The following MICALL2 variants were observed in gnomAD, a reference collection of about 807,000 sequenced individuals.
MICALL2 encodes MICAL-like protein 2.
Under a neutral mutation model 91.1 loss-of-function variants are expected in MICALL2, and 111 were observed. The ratio of observed to expected loss-of-function variants is 1.22; its 90% CI spans 1.04 to 1.43. MICALL2 has a LOEUF of 1.43. MICALL2 is among the 40% of genes most tolerant of loss of function. The pLI, the probability that MICALL2 is intolerant of heterozygous loss-of-function variation, is 0.00. For missense variants in MICALL2, 1,556 were observed against 1,236.0 expected, an observed-to-expected ratio of 1.26 and a Z score of -3.88; for synonymous variants, 694 against 525.3, an observed-to-expected ratio of 1.32 and a Z score of -4.39.
chr7:1,441,893 T>A, intron 7 of MICALL2: 1 of 438,960 alleles, frequency 2.3e-6, no homozygotes, highest in South Asian at 2.9e-5. Flanking sequence ...AGGATGTAAC[T>A]GCCAGACCGA....
rs1404502910 is a variant in MICALL2, at chr7:1,445,139, C to T, written c.931G>A (p.Ala311Thr). 9 of 1,566,120 alleles carry T rather than the reference C, an allele frequency of 5.7e-6. No homozygotes were observed. The highest frequency in any genetic ancestry group is 1.9e-5 in the Admixed American group (1 of 53,080). Residue 311 changes from alanine to threonine, a missense_variant, in exon 6 of 17, where the codon GCC becomes ACC. Transcript: ENST00000297508. ...GGGCTCCTCACGTGGACGGACGTGG[C>T]GCTGGTGGCTGCAGGGTTGGGTGCA... ...PAAPNPAATS[A>T]TSVHVRSPAR...
chr7:1,439,887 AG>A, intron 9 of MICALL2, 37 bp downstream of exon 9: 3 of 1,392,164 alleles, frequency 2.2e-6, no homozygotes, highest in Non-Finnish European at 2.8e-6. Flanking sequence ...AGGGCCAGCT[AG>A]GCAACCCGGG....
rs762449536 is a variant in MICALL2, at chr7:1,445,293, C to G, written c.777G>C (p.Gln259His). 5 of 1,612,080 alleles carry G rather than the reference C, an allele frequency of 3.1e-6. No homozygotes were observed. The East Asian group carries it at 1.1e-4, about 36-fold the overall frequency. Residue 259 changes from glutamine to histidine, a missense_variant, in exon 6 of 17, where the codon CAG (glutamine) becomes CAC (histidine). By Grantham distance (24) the Gln-to-His change is conservative. Transcript: ENST00000297508. Reference sequence around the variant, plus strand: ...TGGAATCCACACCCATGGCCCCTGGCTGTCGGGGGACCAGACCCGTCAACT... The same window carrying G: ...TGGAATCCACACCCATGGCCCCTGGGTGTCGGGGGACCAGACCCGTCAACT... ...SPKLTGLVPR[Q>H]PGAMGVDSRT... is the part of the protein sequence containing the mutation.
Position 1,437,556 on chromosome 7 carries a change from G to A in MICALL2, c.2455C>T (p.Arg819Cys), listed in dbSNP as rs756202920. ...GCACCGGGCTTGGCCATGAGCCGGC[G>A]CAGCTCGCCCTCGATGTCCAGCTGC... The part of the protein sequence containing the change: ...EQQLDIEGEL[R>C]RLMAKPEALK... The change falls in exon 14 of 17, where the codon CGC (arginine) becomes TGC (cysteine). Residue 819 changes from arginine (R) to cysteine (C), a missense_variant. Arg to Cys is a radical substitution (Grantham distance 180). Coordinates refer to ENST00000297508, the MANE Select transcript of MICALL2 (RefSeq NM_182924.4). The A allele has an allele frequency of 2.0e-6, 3 of 1,531,634 alleles. No homozygotes were observed. The highest frequency in any genetic ancestry group is 1.4e-5 in the African/African-American group (1 of 72,352). 94.9% of individuals were successfully genotyped at this position (1,531,634 alleles called of 1,614,324 possible).
At chr7:1,439,287 A>G (rs936888016) in intron 9 of MICALL2, 1 of 425,572 alleles carries the variant, frequency 2.3e-6, no homozygotes, top group African/African-American at 2.0e-5. Context: ...GAATACACAC[A>G]GAGATGTGTG....
In MICALL2 at chr7:1,440,040, C is replaced by A. The variant is rs181284121; in HGVS notation, c.1851G>T (p.Ala617=). ...KEPRALAEPR[A]GEAPRKVSGS... is the part of the protein sequence containing the mutation. ...CTGAGACCTTCCTGGGGGCCTCCCC[C>A]GCCCTCGGCTCTGCCAGGGCCCGTG... The change falls in exon 9 of 17, where the codon GCG becomes GCT. Residue 617 remains alanine, a synonymous_variant. Coordinates refer to ENST00000297508, the MANE Select transcript of MICALL2 (RefSeq NM_182924.4). The A allele has an allele frequency of 3.8e-6, 6 of 1,583,008 alleles. No individual in the cohort carries two copies. The Middle Eastern group carries it at 5.0e-4, about 133-fold the overall frequency.
At chr7:1,446,969 G>A in intron 4 of MICALL2, 141 bp from the exon 5 acceptor site, 1 of 638,278 alleles carries the variant, frequency 1.6e-6, no homozygotes, top group Admixed American at 2.9e-5. Flanking sequence ...CTGCGGTCGG[G>A]GTCACACCCA....
At chr7:1,441,982 G>T in intron 7 of MICALL2, 1 of 632,436 alleles carries the variant, frequency 1.6e-6, no homozygotes, top group Non-Finnish European at 2.7e-6. Flanking sequence ...CCGGCAAACA[G>T]CATAGCCCTG....
chr7:1,447,110 C>A (rs1274915228), intron 4 of MICALL2, among the ~76,000 whole-genome samples: 3 of 152,122 alleles, frequency 2.0e-5, no homozygotes, highest in African/African-American at 7.2e-5. Flanking sequence ...CCATTAGGGG[C>A]ATGGATCCCA....
At chr7:1,439,131 T>A in intron 9 of MICALL2, 136 bp from the exon 10 acceptor site, 1 of 713,198 alleles carries the variant, frequency 1.4e-6, no homozygotes, top group East Asian at 2.8e-5. Flanking sequence ...TGGCACAGGG[T>A]TGGCATCACA....
rs112396048 is a variant in MICALL2 at position 1,434,569 on chromosome 7, G to C, written c.*27C>G. On this transcript the variant is annotated 3_prime_UTR_variant, in exon 17 of 17. Transcript: ENST00000297508. ...GAGTCCAAGTCCGGATGCCAGGTCC[G>C]GGCCGAGCCCACGGCCCTACTGGCT... is the stretch of plus-strand genomic sequence containing the variant. The C allele has an allele frequency of 2.5e-6, 4 of 1,591,702 alleles. No individual in the cohort carries two copies. In the African/African-American group the frequency reaches 4.0e-5, roughly 16 times the overall value.
At chr7:1,455,482 C>T (rs1780982237) in intron 1 of MICALL2, among the ~76,000 whole-genome samples, 1 of 152,248 alleles carries the variant, frequency 6.6e-6, no homozygotes, top group African/African-American at 2.4e-5. Context: ...CACCCTGCCA[C>T]CTCCTGGTGG....
intron 7 of MICALL2, chr7:1,441,901 C>G (rs923401180): frequency 2.2e-6 from 1 of 451,462 alleles, no homozygotes; most frequent in East Asian, 4.2e-5. Context: ...ACTGCCAGAC[C>G]GAGCTGAGCG....
In MICALL2 at chr7:1,445,433, G is replaced by T; in HGVS notation, c.642-5C>A. The T allele has an allele frequency of 1.3e-6, 2 of 1,524,876 alleles. No individual in the cohort carries two copies. Among genetic ancestry groups the T allele is most frequent in the South Asian group, 1.2e-5 (1 of 83,090 alleles). 94.5% of individuals were successfully genotyped at this position (1,524,876 alleles called of 1,614,324 possible). ...GTGCAGGAGCACTGCTTACACCTGGGGGAGGAAAGGCACAGGAGCCCCAGC... is the reference window on the plus strand; with the variant it reads ...GTGCAGGAGCACTGCTTACACCTGGTGGAGGAAAGGCACAGGAGCCCCAGC... On this transcript the variant is annotated splice_polypyrimidine_tract_variant and splice_region_variant and intron_variant, in intron 5 of 16. Coordinates refer to ENST00000297508, the MANE Select transcript of MICALL2 (RefSeq NM_182924.4).
rs1431053228 is a variant in MICALL2 at position 1,459,134 on chromosome 7, A to G, written c.143+50T>C. ...GGGCCTCAGTTTCCCCGCCCGTGTC[A>G]GCGCGCAGCCGAACAGCAGAAGAAT... is the stretch of plus-strand genomic sequence containing the variant. On this transcript the variant is annotated intron_variant, in intron 1 of 16. Transcript: ENST00000297508. 7.8e-6 allele frequency: 12 copies of G among 1,534,576 alleles called. No individual in the cohort carries two copies. The South Asian group carries it at 9.4e-5, about 12-fold the overall frequency.
At chr7:1,442,026 C>T in intron 7 of MICALL2, 166 bp downstream of exon 7, 1 of 800,346 alleles carries the variant, frequency 1.2e-6, no homozygotes, top group African/African-American at 1.7e-5. Context: ...GAGAGCGCAC[C>T]AGGACCCCAG....
intron 1 of MICALL2, among the ~76,000 whole-genome samples, chr7:1,450,760 A>G (rs1289280926): frequency 2.0e-5 from 3 of 152,198 alleles, no homozygotes; most frequent in Non-Finnish European, 2.9e-5. Flanking sequence ...CCATATGCAG[A>G]GAGGGCCAGC....
chr7:1,452,544 C>T lies in MICALL2; in HGVS notation c.144-2256G>A, dbSNP rs1397746584. Among the ~76,000 whole-genome samples, 1 of 152,192 alleles carries T rather than the reference C, an allele frequency of 6.6e-6. No homozygotes were observed. The highest frequency in any genetic ancestry group is 1.5e-5 in the Non-Finnish European group (1 of 68,026). On this transcript the variant is annotated intron_variant, in intron 1 of 16. Transcript: ENST00000297508. The surrounding 1 kb of genome is among the most constrained non-coding windows in gnomAD (Gnocchi z 6.2). Reference sequence around the variant, plus strand: ...GCCCGGACGGCCGGGAGGGCAGTGTCACAAGTCTGTTTTTTCTCTAAACAA... The same window carrying T: ...GCCCGGACGGCCGGGAGGGCAGTGTTACAAGTCTGTTTTTTCTCTAAACAA...
At chr7:1,434,985 G>GCCCCCCCCCCCCCCCCCCC in intron 16 of MICALL2, 116 bp downstream of exon 16, 1 of 255,664 alleles carries the variant, frequency 3.9e-6, no homozygotes, top group Non-Finnish European at 7.4e-6. Context: ...CCCGATACCC[G>GCCCCCCCCCCCCCCCCCCC]CCCCCCCCCC....
Sources: allele counts gnomAD v4.1 joint callset (sites outside exome capture counted in the v4.1 genomes callset), GRCh38; gene constraint gnomAD v4.1.1; non-coding constraint Gnocchi (gnomAD v3.1); transcripts MANE v1.5; gene names NCBI Gene and HGNC (gene_info 2026-07-23, HGNC 2026-07-21).